The following PDK1 variants were observed in gnomAD, a reference collection of about 807,000 sequenced individuals.
The protein encoded by PDK1 is [Pyruvate dehydrogenase (acetyl-transferring)] kinase isozyme 1, mitochondrial.
PDK1 carries 39 observed loss-of-function variants against 54.2 expected under a neutral mutation model. That is an observed-to-expected ratio of 0.72 (90% CI 0.56 to 0.94). The LOEUF (loss-of-function observed/expected upper bound fraction) is 0.94, where lower values mean the gene tolerates loss of function less well. PDK1 is among the 40% of genes least tolerant of loss of function. The pLI, the probability that PDK1 is intolerant of heterozygous loss-of-function variation, is 0.00. For synonymous variants in PDK1, 221 were observed against 207.1 expected (o/e 1.07, Z -0.58); for missense variants, 552 against 566.0 (o/e 0.98, Z 0.25).
rs1161012805 is a variant in PDK1 at position 172,596,399 on chromosome 2, T to G, written c.*430T>G. ...AGTTCTGCCATCTTTTATTCGGTAG[T>G]GACAGCTGTAATATGGTCTTCATGT... On this transcript the variant is annotated 3_prime_UTR_variant, in exon 11 of 11. Coordinates refer to ENST00000282077, the MANE Select transcript of PDK1 (RefSeq NM_002610.5). 6.4e-6 allele frequency: 1 copy of G among 157,290 alleles called. No homozygotes were observed. 9.7% of individuals were successfully genotyped at this position (157,290 alleles called of 1,614,324 possible). A position where few individuals can be genotyped will look rare whatever the true frequency, so the allele number is the denominator to read the frequency against.
chr2:172,564,808 AAAAT>A (rs1338728366), intron 4 of PDK1, 121 bp downstream of exon 4: 5 of 944,126 alleles, frequency 5.3e-6, no homozygotes, highest in Non-Finnish European at 8.0e-6. Context: ...CTAATTAAGA[AAAAT>A]AAATAGACTG....
the PDK1 span, among the ~76,000 whole-genome samples, chr2:172,721,482 CA>C: frequency 1.3e-5 from 2 of 152,100 alleles, no homozygotes; most frequent in African/African-American, 4.8e-5. Flanking sequence ...GGATTACAGG[CA>C]TGTGCCACCA....
At chr2:172,646,424 A>T in the PDK1 span, among the ~76,000 whole-genome samples, 1 of 152,136 alleles carries the variant, frequency 6.6e-6, no homozygotes. Flanking sequence ...GCACCAAGTA[A>T]TCTGTTTGGA....
chr2:172,565,030 T>G lies in PDK1; in HGVS notation c.648T>G (p.Ile216Met), dbSNP rs1688860840. The G allele has an allele frequency of 6.2e-7, 1 of 1,612,380 alleles. No homozygotes were observed. The highest frequency in any genetic ancestry group is 2.2e-5 in the East Asian group (1 of 44,786). ...GAAGTCCATCTCATCGAAAACACAT[T>G]GGAAGCATAAATCCAAACTGCAATG... Reference protein sequence around the residue: ...GKGSPSHRKHIGSINPNCNVL... With the variant: ...GKGSPSHRKHMGSINPNCNVL... Residue 216 changes from isoleucine to methionine, a missense_variant, in exon 5 of 11, where the codon ATT becomes ATG. Coordinates refer to ENST00000282077, the MANE Select transcript of PDK1 (RefSeq NM_002610.5).
the PDK1 span, among the ~76,000 whole-genome samples, chr2:172,625,801 A>G: frequency 6.6e-6 from 1 of 152,164 alleles, no homozygotes; most frequent in African/African-American, 2.4e-5. Context: ...GCCTCGAACA[A>G]TGCCTGGCAC....
chr2:172,649,353 G>A, the PDK1 span, among the ~76,000 whole-genome samples: 1 of 152,120 alleles, frequency 6.6e-6, no homozygotes, highest in African/African-American at 2.4e-5. Context: ...AAGACCAAAG[G>A]TAGATAAAAC....
the PDK1 span, among the ~76,000 whole-genome samples, chr2:172,704,893 A>C: frequency 6.6e-6 from 1 of 152,226 alleles, no homozygotes; most frequent in Admixed American, 6.5e-5. Context: ...TGGAGTCCCA[A>C]TATCAACCGA....
At chr2:172,636,736 A>T in the PDK1 span, among the ~76,000 whole-genome samples, 1 of 140,952 alleles carries the variant, frequency 7.1e-6, no homozygotes, top group African/African-American at 2.6e-5. Context: ...AAAAAAAAAA[A>T]GCAAGAACTC....
At chr2:172,641,591 G>A in the PDK1 span, among the ~76,000 whole-genome samples, 1 of 151,892 alleles carries the variant, frequency 6.6e-6, no homozygotes, top group African/African-American at 2.4e-5. Context: ...ACAGGCGCCC[G>A]CCACCACGCC....
chr2:172,685,747 T>A, the PDK1 span, among the ~76,000 whole-genome samples: 1 of 152,090 alleles, frequency 6.6e-6, no homozygotes, highest in African/African-American at 2.4e-5. Flanking sequence ...CACTTTGGGG[T>A]TCTAATGATC....
the PDK1 span, among the ~76,000 whole-genome samples, chr2:172,655,829 G>C: frequency 6.6e-6 from 1 of 152,354 alleles, no homozygotes; most frequent in South Asian, 2.1e-4. Flanking sequence ...GAGTGCCAGT[G>C]TGACAGCTCT....
At chr2:172,717,346 G>C in the PDK1 span, among the ~76,000 whole-genome samples, 1 of 152,080 alleles carries the variant, frequency 6.6e-6, no homozygotes, top group African/African-American at 2.4e-5. Flanking sequence ...CAGAACAACC[G>C]GGCTAAACTG....
At chr2:172,633,742 TTAA>T in the PDK1 span, among the ~76,000 whole-genome samples, 1 of 151,244 alleles carries the variant, frequency 6.6e-6, no homozygotes, top group African/African-American at 2.4e-5. Context: ...TTTATTTTAT[TTAA>T]TAATAAAATT....
intron 3 of PDK1, chr2:172,562,744 G>T: frequency 6.5e-7 from 1 of 1,538,724 alleles, no homozygotes; most frequent in Non-Finnish European, 9.0e-7. Context: ...AACACAGAAG[G>T]CCTAGAAGAA....
At chr2:172,635,210 T>G in the PDK1 span, among the ~76,000 whole-genome samples, 1 of 152,238 alleles carries the variant, frequency 6.6e-6, no homozygotes, top group Non-Finnish European at 1.5e-5. Flanking sequence ...ACAGTAAAAT[T>G]TATATAAAAA....
At chr2:172,624,855 T>G in the PDK1 span, among the ~76,000 whole-genome samples, 1 of 151,912 alleles carries the variant, frequency 6.6e-6, no homozygotes, top group South Asian at 2.1e-4. Flanking sequence ...GGGCGTGGTG[T>G]TGTGCACCTG....
chr2:172,713,244 G>T, the PDK1 span, among the ~76,000 whole-genome samples: 1 of 152,240 alleles, frequency 6.6e-6, no homozygotes, highest in Non-Finnish European at 1.5e-5. Flanking sequence ...TCAGAGAGGA[G>T]GACCTATGTG....
the PDK1 span, among the ~76,000 whole-genome samples, chr2:172,719,505 G>A: frequency 2.0e-5 from 3 of 152,256 alleles, no homozygotes; most frequent in South Asian, 6.2e-4. Flanking sequence ...TAAACATTCT[G>A]TTAGGTATGT....
At chr2:172,643,088 C>A in the PDK1 span, among the ~76,000 whole-genome samples, 110,968 of 152,114 alleles carry the variant, frequency 0.73, 41,568 homozygotes, top group African/African-American at 0.8. Flanking sequence ...CTGATTGTAC[C>A]TAGGAAAGCG....
Sources: allele counts gnomAD v4.1 joint callset (sites outside exome capture counted in the v4.1 genomes callset), GRCh38; gene constraint gnomAD v4.1.1; transcripts MANE v1.5; gene names NCBI Gene and HGNC (gene_info 2026-07-23, HGNC 2026-07-21).